The following ITGA8 variants were observed in gnomAD, a reference collection of about 807,000 sequenced individuals.
The protein encoded by ITGA8 is integrin alpha-8.
A neutral mutation model predicts 142.3 loss-of-function variants in ITGA8; 91 were observed. The observed-to-expected ratio is 0.64, with a 90% CI of 0.54 to 0.76. The LOEUF (loss-of-function observed/expected upper bound fraction) is 0.76, where lower values mean the gene tolerates loss of function less well. ITGA8 is among the 30% of genes least tolerant of loss of function. ITGA8 has a pLI of 0.00. For missense variants in ITGA8, 1,406 were observed against 1,327.7 expected (o/e 1.06, Z -0.92); for synonymous variants, 505 against 485.2 (o/e 1.04, Z -0.54).
intron 13 of ITGA8, among the ~76,000 whole-genome samples, chr10:15,641,912 G>A (rs1455038408): frequency 1.3e-5 from 2 of 152,086 alleles, no homozygotes; most frequent in African/African-American, 2.4e-5. Context: ...GGCAGATCAC[G>A]AGGTCAAGAG....
intron 28 of ITGA8, among the ~76,000 whole-genome samples, chr10:15,526,283 T>C (rs1564335935): frequency 6.6e-6 from 1 of 152,056 alleles, no homozygotes; most frequent in Non-Finnish European, 1.5e-5. Flanking sequence ...TTCAAGAGAT[T>C]CTCTTGCCTC....
intron 13 of ITGA8, among the ~76,000 whole-genome samples, chr10:15,642,398 A>G (rs1385905559): frequency 1.3e-5 from 2 of 152,086 alleles, no homozygotes; most frequent in Non-Finnish European, 2.9e-5. Context: ...TTTTCCTGGT[A>G]CTAAGGGTGG....
intron 2 of ITGA8, among the ~76,000 whole-genome samples, chr10:15,709,700 T>C (rs541954115): frequency 8.1e-4 from 123 of 152,312 alleles, no homozygotes; most frequent in Non-Finnish European, 1.5e-3. Flanking sequence ...TAACTTCTGG[T>C]AAGCTCATCT....
At chr10:15,693,431 T>C (rs1399456293) in intron 2 of ITGA8, among the ~76,000 whole-genome samples, 2 of 152,244 alleles carry the variant, frequency 1.3e-5, no homozygotes, top group East Asian at 3.8e-4. Flanking sequence ...AATTTACATT[T>C]TGACATGTTA....
At chr10:15,531,366 C>T (rs1833289385) in intron 27 of ITGA8, among the ~76,000 whole-genome samples, 1 of 152,054 alleles carries the variant, frequency 6.6e-6, no homozygotes. Flanking sequence ...ATCTAAGCGT[C>T]GAAGCGTGAA....
intron 26 of ITGA8, among the ~76,000 whole-genome samples, chr10:15,548,885 C>A (rs1395615441): frequency 6.6e-6 from 1 of 152,138 alleles, no homozygotes; most frequent in African/African-American, 2.4e-5. Flanking sequence ...TCACAATACC[C>A]AGTGCTGGGT....
At chr10:15,532,418 C>CAAAAAAAAAA (rs35130036) in intron 27 of ITGA8, among the ~76,000 whole-genome samples, 24 of 27,818 alleles carry the variant, frequency 8.6e-4, no homozygotes, top group African/African-American at 2.7e-3. Flanking sequence ...GACTCCCTCT[C>CAAAAAAAAAA]AAAAAAAAAA....
At chr10:15,633,360 C>A (rs1001829109) in intron 13 of ITGA8, among the ~76,000 whole-genome samples, 4 of 152,138 alleles carry the variant, frequency 2.6e-5, no homozygotes, top group Non-Finnish European at 5.9e-5. Context: ...CTAACAAAGA[C>A]AAACTAGGCA....
intron 2 of ITGA8, among the ~76,000 whole-genome samples, chr10:15,709,749 G>T (rs1042046348): frequency 2.0e-5 from 3 of 152,168 alleles, no homozygotes; most frequent in Admixed American, 1.3e-4. Context: ...CACACAAACA[G>T]CTCTTGAAAC....
intron 8 of ITGA8, among the ~76,000 whole-genome samples, chr10:15,668,140 T>A (rs1834433328): frequency 6.6e-6 from 1 of 152,164 alleles, no homozygotes; most frequent in African/African-American, 2.4e-5. Flanking sequence ...CCCATTATTA[T>A]TGTGTGGGAG....
At position 15,519,352 on chromosome 10, in the gene ITGA8, T is replaced by A; in HGVS notation, c.3043A>T (p.Ile1015Leu). 6.2e-7 allele frequency: 1 copy of A among 1,613,680 alleles called. No individual in the cohort carries two copies. Among genetic ancestry groups the A allele is most frequent in the Non-Finnish European group, 8.5e-7 (1 of 1,179,678 alleles). Residue 1015 changes from isoleucine (I) to leucine (L), a missense_variant, in exon 29 of 30, where the codon ATA (isoleucine) becomes TTA (leucine). By Grantham distance (5) the Ile-to-Leu change is conservative (BLOSUM62 2). Transcript: ENST00000378076. ...AATCCAAGAAGTATTGCTAGTATTA[T>A]TACCCATAATGGGATTGAGAAGGAA... ...NVSFSIPLWV[I>L]ILAILLGLLV...
chr10:15,647,771 G>A (rs1834014574), intron 11 of ITGA8, among the ~76,000 whole-genome samples: 1 of 152,130 alleles, frequency 6.6e-6, no homozygotes, highest in African/African-American at 2.4e-5. Context: ...CAATTATTCA[G>A]TTTTTAATGC....
chr10:15,657,342 C>T (rs527244113), intron 10 of ITGA8, among the ~76,000 whole-genome samples: 10 of 152,192 alleles, frequency 6.6e-5, no homozygotes, highest in Admixed American at 1.3e-4. Flanking sequence ...TTCAACTTCC[C>T]GCTCATCTCA....
intron 8 of ITGA8, among the ~76,000 whole-genome samples, chr10:15,668,645 CA>C (rs1834445302): frequency 6.6e-6 from 1 of 152,186 alleles, no homozygotes; most frequent in East Asian, 1.9e-4. Flanking sequence ...CATGTTTTTG[CA>C]GTGGCTGGTA....
intron 2 of ITGA8, among the ~76,000 whole-genome samples, chr10:15,696,096 A>C (rs545755004): frequency 6.6e-6 from 1 of 152,192 alleles, no homozygotes; most frequent in East Asian, 1.9e-4. Flanking sequence ...CAACGCATTT[A>C]GGGTAGGGCC....
In ITGA8 at chr10:15,613,697, T is replaced by A; in HGVS notation, c.1516A>T (p.Thr506Ser). The stretch of plus-strand genomic sequence containing the variant: ...GTCATAGAGTCTGGAACCTGGCAAG[T>A]TTTATTTTCAAGATTGATAATCATT... ...HPMIINLENKTCQVPDSMTSA... is the reference protein window; with the variant it reads ...HPMIINLENKSCQVPDSMTSA... The change falls in exon 15 of 30, where the codon ACT (threonine) becomes TCT (serine). Residue 506 changes from threonine to serine, a missense_variant. By Grantham distance (58) the Thr-to-Ser change is moderately conservative (BLOSUM62 1). Transcript: ENST00000378076. 2 of 1,614,090 alleles carry A rather than the reference T, an allele frequency of 1.2e-6. No homozygotes were observed. Among genetic ancestry groups the A allele is most frequent in the South Asian group, 2.2e-5 (2 of 91,080 alleles).
intron 4 of ITGA8, 112 bp from the exon 5 acceptor site, chr10:15,678,895 G>A: frequency 3.4e-6 from 2 of 581,784 alleles, no homozygotes; most frequent in Admixed American, 6.7e-5. Context: ...AATTAAAAAT[G>A]ATCAATATGT....
chr10:15,694,757 A>T (rs1252969250), intron 2 of ITGA8, among the ~76,000 whole-genome samples: 2 of 145,692 alleles, frequency 1.4e-5, no homozygotes, highest in Admixed American at 7.0e-5. Flanking sequence ...AAGTCCAAGA[A>T]TTCAAAAGAA....
At chr10:15,698,979 C>CT (rs1835108167) in intron 2 of ITGA8, among the ~76,000 whole-genome samples, 1 of 152,154 alleles carries the variant, frequency 6.6e-6, no homozygotes, top group South Asian at 2.1e-4. Context: ...ATTATAAAGT[C>CT]TTTGCCTAAG....
Sources: allele counts gnomAD v4.1 joint callset (sites outside exome capture counted in the v4.1 genomes callset), GRCh38; gene constraint gnomAD v4.1.1; transcripts MANE v1.5; gene names NCBI Gene and HGNC (gene_info 2026-07-23, HGNC 2026-07-21).